PELP1: variants seen among roughly 807,000 people sequenced by gnomAD.
The protein encoded by PELP1 is proline, glutamate and leucine rich protein 1, also known as proline-, glutamic acid- and leucine-rich protein 1.
A neutral mutation model predicts 95.5 loss-of-function variants in PELP1; 32 were observed. The ratio of observed to expected loss-of-function variants is 0.34; its 90% CI spans 0.25 to 0.45. The LOEUF (loss-of-function observed/expected upper bound fraction) is 0.45, where lower values mean the gene tolerates loss of function less well. Ranked by LOEUF, PELP1 falls within the 20% of genes least tolerant of loss-of-function variation. The pLI is 1.00. For synonymous variants in PELP1, 668 were observed against 600.1 expected (o/e 1.11, Z -1.65); for missense variants, 1,358 against 1,444.8 (o/e 0.94, Z 0.97).
At chr17:4,701,193 A>G (rs1448781364) in intron 1 of PELP1, among the ~76,000 whole-genome samples, 3 of 152,208 alleles carry the variant, frequency 2.0e-5, no homozygotes, top group Non-Finnish European at 2.9e-5. Flanking sequence ...GAGAGAGGTT[A>G]TAAGTATATG....
intron 1 of PELP1, among the ~76,000 whole-genome samples, chr17:4,694,910 AACCCGG>A (rs1224625359): frequency 1.5e-4 from 23 of 151,276 alleles, no homozygotes; most frequent in East Asian, 7.8e-4. Context: ...GAATCGCTTG[AACCCGG>A]GAGAATCGCT....
chr17:4,671,425 G>T lies in PELP1; in HGVS notation c.*14C>A. The T allele has an allele frequency of 2.4e-6, 3 of 1,259,866 alleles. No homozygotes were observed. The highest frequency in any genetic ancestry group is 3.5e-6 in the Non-Finnish European group (3 of 856,466). The allele number at this position is 1,259,866 out of a possible 1,614,324, so 78.0% of individuals were successfully genotyped here. A position where few individuals can be genotyped will look rare whatever the true frequency, so the allele number is the denominator to read the frequency against. The stretch of plus-strand genomic sequence containing the variant: ...TAACTTTATTGGAAACAAAGAGTGG[G>T]GTGCAGAAGATGGCTAGGAGTCAGG... On this transcript the variant is annotated 3_prime_UTR_variant, in exon 17 of 17. Coordinates refer to ENST00000572293, the MANE Select transcript of PELP1 (RefSeq NM_014389.3).
At position 4,691,410 on chromosome 17, in the gene PELP1, G is replaced by C. The variant is rs1413764302; in HGVS notation, c.282C>G (p.Leu94=). The change falls in exon 2 of 17, where the codon CTC becomes CTG. Residue 94 remains leucine (L), a synonymous_variant. Coordinates refer to ENST00000572293, the MANE Select transcript of PELP1 (RefSeq NM_014389.3). Reference sequence around the variant, plus strand: ...TGATGGAACTGAGACGTGCATTACTGAGACTCACCAATGCCCCAAGAGCTG... The same window carrying C: ...TGATGGAACTGAGACGTGCATTACTCAGACTCACCAATGCCCCAAGAGCTG... The part of the protein sequence containing the change: ...NLSALGALVS[L]SNARLSSIKT... 1.2e-6 allele frequency: 2 copies of C among 1,613,614 alleles called. No individual in the cohort carries two copies. Among genetic ancestry groups the C allele is most frequent in the African/African-American group, 2.7e-5 (2 of 74,918 alleles).
At chr17:4,682,739 T>TA in intron 4 of PELP1, 64 bp downstream of exon 4, 1 of 1,488,572 alleles carries the variant, frequency 6.7e-7, no homozygotes, top group Non-Finnish European at 9.0e-7. Context: ...ATCAAACAAT[T>TA]AAACAGTGTG....
intron 1 of PELP1, among the ~76,000 whole-genome samples, chr17:4,702,680 C>A (rs1913590415): frequency 6.6e-6 from 1 of 152,052 alleles, no homozygotes; most frequent in South Asian, 2.1e-4. Flanking sequence ...ATTGACCCAC[C>A]CAGCAAATTG....
chr17:4,694,591 C>T (rs976040177), intron 1 of PELP1, among the ~76,000 whole-genome samples: 37 of 145,340 alleles, frequency 2.5e-4, no homozygotes, highest in Admixed American at 6.3e-4. Context: ...GAACGGGAGG[C>T]GGAGGTCGCA....
rs768970261 is a variant in PELP1 at position 4,682,559 on chromosome 17, T to A, written c.585A>T (p.Ala195=). Residue 195 remains alanine (A), a synonymous_variant, in exon 5 of 17, where the codon GCA becomes GCT. Transcript: ENST00000572293. ...TCATACAAGCCTTCATTCCTTCCAA[T>A]GCTGACTGCTCACACTGTAGGAAAA... ...LGLRPECEQS[A]LEGMKACMTY... 4.3e-6 allele frequency: 7 copies of A among 1,612,798 alleles called. No individual in the cohort carries two copies. The African/African-American group carries it at 9.3e-5, about 22-fold the overall frequency.
intron 3 of PELP1, among the ~76,000 whole-genome samples, chr17:4,689,766 G>A (rs1189881995): frequency 6.6e-6 from 1 of 152,198 alleles, no homozygotes; most frequent in African/African-American, 2.4e-5. Context: ...GGCGGCTCAT[G>A]CCTGTAATCC....
chr17:4,683,684 T>C (rs1321231923), intron 3 of PELP1, among the ~76,000 whole-genome samples: 1 of 151,290 alleles, frequency 6.6e-6, no homozygotes, highest in Non-Finnish European at 1.5e-5. Context: ...GCATGGACCA[T>C]CATGCTTGGC....
chr17:4,677,721 G>A (rs1243049133), intron 5 of PELP1, among the ~76,000 whole-genome samples: 1 of 152,164 alleles, frequency 6.6e-6, no homozygotes, highest in Non-Finnish European at 1.5e-5. Flanking sequence ...TTGAGCCAAG[G>A]AGTTTGAGAC....
intron 5 of PELP1, among the ~76,000 whole-genome samples, chr17:4,681,475 C>T (rs1597450161): frequency 1.3e-5 from 2 of 151,942 alleles, no homozygotes; most frequent in South Asian, 2.1e-4. Context: ...CACACCACTG[C>T]ACTCCAGTCT....
At chr17:4,692,405 T>C (rs2150563433) in intron 1 of PELP1, among the ~76,000 whole-genome samples, 1 of 151,590 alleles carries the variant, frequency 6.6e-6, no homozygotes, top group South Asian at 2.1e-4. Flanking sequence ...AGACGGAGTT[T>C]GCAGTGAGCC....
At chr17:4,693,312 T>C (rs1567667515) in intron 1 of PELP1, among the ~76,000 whole-genome samples, 3 of 152,072 alleles carry the variant, frequency 2.0e-5, no homozygotes, top group African/African-American at 7.2e-5. Flanking sequence ...GGTGAACAGA[T>C]CAAATATAGT....
chr17:4,691,465 G>A (rs1913096181), intron 1 of PELP1, 23 bp from the exon 2 acceptor site: 4 of 1,591,044 alleles, frequency 2.5e-6, no homozygotes, highest in Non-Finnish European at 3.5e-6. Flanking sequence ...AAACAGGGAA[G>A]CGAGTCACAA....
Position 4,676,117 on chromosome 17 carries a change from G to A in PELP1, c.899C>T (p.Ser300Leu), listed in dbSNP as rs1195314250. Reference protein sequence around the residue: ...EGPGVEMLLSSEDGDAHVLLQ... With the variant: ...EGPGVEMLLSLEDGDAHVLLQ... ...AAGGACATGGGCATCACCATCTTCT[G>A]AGGACAGCAGCATCTCCACCCCAGG... is the stretch of plus-strand genomic sequence containing the variant. The change falls in exon 8 of 17, where the codon TCA becomes TTA. Residue 300 changes from serine to leucine, a missense_variant. Coordinates refer to ENST00000572293, the MANE Select transcript of PELP1 (RefSeq NM_014389.3). 1.9e-5 allele frequency: 30 copies of A among 1,613,868 alleles called. No individual in the cohort carries two copies. The highest frequency in any genetic ancestry group is 2.5e-5 in the Non-Finnish European group (30 of 1,179,900).
intron 3 of PELP1, 25 bp from the exon 4 acceptor site, chr17:4,682,977 G>C (rs755793134): frequency 2.8e-6 from 4 of 1,450,466 alleles, no homozygotes; most frequent in African/African-American, 2.9e-5. Flanking sequence ...AATGTCTCGT[G>C]CTTCCAGCCT....
chr17:4,673,559 C>A lies in PELP1; in HGVS notation c.1638+60G>T, dbSNP rs527580148. The A allele has an allele frequency of 1.3e-5, 20 of 1,579,248 alleles. No homozygotes were observed. The highest frequency in any genetic ancestry group is 5.5e-5 in the South Asian group (5 of 90,342). ...TGGACCCACCTCTGGGCCACACCCC[C>A]CAATGTGTACAGAGCAGGGGCCCCT... On this transcript the variant is annotated intron_variant, in intron 14 of 16. Coordinates refer to ENST00000572293, the MANE Select transcript of PELP1 (RefSeq NM_014389.3). The surrounding 1 kb of genome is among the most constrained non-coding windows in gnomAD (Gnocchi z 5.7).
At chr17:4,682,623 C>G in intron 4 of PELP1, 50 bp from the exon 5 acceptor site, 6 of 1,505,944 alleles carry the variant, frequency 4.0e-6, no homozygotes, top group Non-Finnish European at 5.5e-6. Context: ...ACCATGTCAC[C>G]ATATTCCATC....
chr17:4,701,080 G>T (rs1352890623), intron 1 of PELP1, among the ~76,000 whole-genome samples: 1 of 150,646 alleles, frequency 6.6e-6, no homozygotes, highest in Non-Finnish European at 1.5e-5. Flanking sequence ...AGTGATGGGG[G>T]CAGCATAGGG....
Sources: allele counts gnomAD v4.1 joint callset (sites outside exome capture counted in the v4.1 genomes callset), GRCh38; gene constraint gnomAD v4.1.1; non-coding constraint Gnocchi (gnomAD v3.1); transcripts MANE v1.5; gene names NCBI Gene and HGNC (gene_info 2026-07-23, HGNC 2026-07-21).